MEGF11: variants seen among roughly 807,000 people sequenced by gnomAD.
MEGF11 encodes the protein multiple EGF like domains 11.
MEGF11 carries 126 observed loss-of-function variants against 146.6 expected under a neutral mutation model. The ratio of observed to expected loss-of-function variants is 0.86; its 90% confidence interval spans 0.74 to 1.00. MEGF11 has a LOEUF of 1.00. Among genes scored for constraint, MEGF11 ranks in the 50% least tolerant of loss-of-function variants. MEGF11 has a pLI of 0.00. For missense variants in MEGF11, 1,509 were observed against 1,521.2 expected, an observed-to-expected ratio of 0.99 and a Z score of 0.13; for synonymous variants, 532 against 583.4, an observed-to-expected ratio of 0.91 and a Z score of 1.27.
intron 5 of MEGF11, among the ~76,000 whole-genome samples, chr15:66,051,876 G>A (rs759145403): frequency 5.9e-5 from 9 of 152,196 alleles, no homozygotes; most frequent in African/African-American, 1.2e-4. Context: ...AACTTCCTTG[G>A]GAACTTGAGC....
At chr15:65,943,703 G>GTGA (rs765494774) in intron 10 of MEGF11, among the ~76,000 whole-genome samples, 1 of 152,186 alleles carries the variant, frequency 6.6e-6, no homozygotes, top group Non-Finnish European at 1.5e-5. Flanking sequence ...TATTGGTGGT[G>GTGA]TGACAGCTGT....
chr15:65,980,555 C>T (rs449841), intron 7 of MEGF11, among the ~76,000 whole-genome samples: 121,595 of 152,024 alleles, frequency 0.8, 49,980 homozygotes, highest in Non-Finnish European at 0.91. Flanking sequence ...TATGACACAA[C>T]GCCTGGCTAA....
At chr15:66,058,752 C>T (rs1397212392) in intron 5 of MEGF11, among the ~76,000 whole-genome samples, 1 of 152,164 alleles carries the variant, frequency 6.6e-6, no homozygotes, top group Admixed American at 6.5e-5. Context: ...ATCCTGCTCC[C>T]TACCAGGAAG....
chr15:65,929,760 G>A lies in MEGF11; in HGVS notation c.1532C>T (p.Thr511Ile). Residue 511 changes from threonine to isoleucine, a missense_variant, in exon 12 of 26, where the codon ACT becomes ATT. Thr to Ile is a moderately conservative substitution (Grantham distance 89). Transcript: ENST00000395614. Reference protein sequence around the residue: ...CSPIDGSCSCTPGWLGDTCEL... With the variant: ...CSPIDGSCSCIPGWLGDTCEL... ...ACAGGTGTCTCCCAGCCAGCCAGGA[G>A]TGCAGGAGCAGGAGCCGTCTATGGG... The A allele has an allele frequency of 6.4e-7, 1 of 1,553,484 alleles. No individual in the cohort carries two copies. Among genetic ancestry groups the A allele is most frequent in the Non-Finnish European group, 8.7e-7 (1 of 1,148,072 alleles).
At chr15:65,905,315 TAGAC>T (rs1236806046) in intron 24 of MEGF11, 3 of 152,266 alleles carry the variant, frequency 2.0e-5, no homozygotes, top group Non-Finnish European at 4.4e-5. Flanking sequence ...ATAACCTTGT[TAGAC>T]AGTAGGACAG....
chr15:66,092,772 G>A (rs1327189657), intron 5 of MEGF11, among the ~76,000 whole-genome samples: 1 of 152,160 alleles, frequency 6.6e-6, no homozygotes, highest in Non-Finnish European at 1.5e-5. Context: ...TATATACTCA[G>A]GGCCCCGGGG....
rs912003259 is a variant in MEGF11, at chr15:66,013,057, C to T, written c.395-30569G>A. 2.0e-5 allele frequency among the ~76,000 whole-genome samples: 3 copies of T among 152,264 alleles called. 1 individual carries two copies. Among genetic ancestry groups the T allele is most frequent in the African/African-American group, 7.2e-5 (3 of 41,466 alleles). On this transcript the variant is annotated intron_variant, in intron 5 of 25. Transcript: ENST00000395614. ...CTTGTCATTTTACAGATAAGGAAAG[C>T]AAGGCCCACAGAGGAGTGGGTCTTG...
At chr15:66,098,291 C>T (rs1286132944) in intron 4 of MEGF11, among the ~76,000 whole-genome samples, 2 of 152,146 alleles carry the variant, frequency 1.3e-5, no homozygotes, top group Non-Finnish European at 2.9e-5. Flanking sequence ...ACTGGCCCTT[C>T]CCTAACCAAA....
intron 4 of MEGF11, among the ~76,000 whole-genome samples, chr15:66,103,909 T>C (rs1316602492): frequency 6.6e-6 from 1 of 152,156 alleles, no homozygotes; most frequent in Non-Finnish European, 1.5e-5. Flanking sequence ...AAGGTCCTGG[T>C]GGATTTCACA....
At chr15:66,020,941 G>C (rs184872365) in intron 5 of MEGF11, among the ~76,000 whole-genome samples, 1 of 140,106 alleles carries the variant, frequency 7.1e-6, no homozygotes, top group Non-Finnish European at 1.5e-5. Flanking sequence ...GCAGTGAGCC[G>C]AGATCGCGCC....
At position 66,119,182 on chromosome 15, in the gene MEGF11, T is replaced by C; in HGVS notation, c.205A>G (p.Ser69Gly). Residue 69 changes from serine (S) to glycine (G), a missense_variant, in exon 4 of 26, where the codon AGT becomes GGT. Transcript: ENST00000395614. The stretch of plus-strand genomic sequence containing the variant: ...CCTCTCCGATACGCCGTCTTATAAC[T>C]GATCCTAAGGCACAAGGGAGAAAGC... ...NWFKCTRHRISYKTAYRRGLR... is the reference protein window; with the variant it reads ...NWFKCTRHRIGYKTAYRRGLR... 3 of 1,550,442 alleles carry C rather than the reference T, an allele frequency of 1.9e-6. No individual in the cohort carries two copies. Among genetic ancestry groups the C allele is most frequent in the Non-Finnish European group, 1.7e-6 (2 of 1,146,348 alleles).
intron 5 of MEGF11, among the ~76,000 whole-genome samples, chr15:66,072,699 G>T (rs186258728): frequency 1.1e-4 from 16 of 152,306 alleles, no homozygotes; most frequent in Admixed American, 3.9e-4. Flanking sequence ...TGGGAAGCTG[G>T]TCTCCTCTGA....
At chr15:66,235,048 G>A (rs1452180617) in intron 1 of MEGF11, among the ~76,000 whole-genome samples, 1 of 152,182 alleles carries the variant, frequency 6.6e-6, no homozygotes, top group East Asian at 1.9e-4. Flanking sequence ...CAAAGCAGGA[G>A]AGGGGGCGCC....
At chr15:65,975,806 T>C (rs1167460081) in intron 7 of MEGF11, among the ~76,000 whole-genome samples, 1 of 152,156 alleles carries the variant, frequency 6.6e-6, no homozygotes, top group Non-Finnish European at 1.5e-5. Flanking sequence ...TAATTAATAG[T>C]AATTGAACCA....
chr15:66,170,276 C>T (rs79099915), intron 1 of MEGF11, among the ~76,000 whole-genome samples: 5,939 of 152,164 alleles, frequency 0.039, 362 homozygotes, highest in African/African-American at 0.13. Context: ...CTGCCAGGGG[C>T]GTTTCCAGAG....
chr15:65,969,438 G>A (rs1224419587), intron 8 of MEGF11, among the ~76,000 whole-genome samples: 1 of 152,166 alleles, frequency 6.6e-6, no homozygotes, highest in Non-Finnish European at 1.5e-5. Flanking sequence ...TGGATCCCCA[G>A]ATGCCACACC....
At chr15:66,212,679 A>C (rs985238938) in intron 1 of MEGF11, among the ~76,000 whole-genome samples, 1 of 149,368 alleles carries the variant, frequency 6.7e-6, no homozygotes. Context: ...CCTGGCCTGC[A>C]TCCGCACACG....
chr15:65,952,993 C>T (rs546561281), intron 10 of MEGF11, among the ~76,000 whole-genome samples: 24 of 152,306 alleles, frequency 1.6e-4, no homozygotes, highest in African/African-American at 5.5e-4. Context: ...CCCCTGAGAC[C>T]GACCATTCAG....
At chr15:65,928,626 C>G in intron 12 of MEGF11, 99 bp from the exon 13 acceptor site, 1 of 719,018 alleles carries the variant, frequency 1.4e-6, no homozygotes, top group Non-Finnish European at 2.2e-6. Flanking sequence ...TTTGGAGGGT[C>G]CAGTGAGATC....
Sources: allele counts gnomAD v4.1 joint callset (sites outside exome capture counted in the v4.1 genomes callset), GRCh38; gene constraint gnomAD v4.1.1; transcripts MANE v1.5; gene names NCBI Gene and HGNC (gene_info 2026-07-23, HGNC 2026-07-21).